Variants in RBFOX1 observed in about 807,000 individuals in gnomAD.
The protein encoded by RBFOX1 is RNA binding fox-1 homolog 1, also known as RNA binding protein fox-1 homolog 1.
In RBFOX1, 8 loss-of-function variants were observed where a neutral mutation model predicts 57.7. The ratio of observed to expected loss-of-function variants is 0.14; its 90% CI spans 0.08 to 0.25. The LOEUF (loss-of-function observed/expected upper bound fraction) is 0.25. Among genes scored for constraint, RBFOX1 ranks in the 10% least tolerant of loss-of-function variants. RBFOX1 has a pLI of 1.00. For missense variants in RBFOX1, 611 were observed against 548.5 expected (o/e 1.11, Z -1.14); for synonymous variants, 326 against 222.4 (o/e 1.47, Z -4.15).
intron 3 of RBFOX1, among the ~76,000 whole-genome samples, chr16:7,029,867 T>C (rs1236162476): frequency 6.6e-6 from 1 of 152,186 alleles, no homozygotes; most frequent in Non-Finnish European, 1.5e-5. Context: ...GATTCTTATG[T>C]CCATTCATTG....
intron 4 of RBFOX1, among the ~76,000 whole-genome samples, chr16:5,972,402 C>T (rs1404460654): frequency 1.3e-5 from 2 of 152,200 alleles, no homozygotes; most frequent in East Asian, 1.9e-4. Flanking sequence ...GATGGCAGGT[C>T]CCTCTGTTTT....
chr16:7,546,329 AAAAT>A (rs2084520277), intron 5 of RBFOX1, among the ~76,000 whole-genome samples: 1 of 178 alleles, frequency 5.6e-3, no homozygotes, highest in Non-Finnish European at 0.1. Context: ...TCCACCTCAA[AAAAT>A]AAAATAAAAT....
At chr16:7,347,816 T>A (rs2097046585) in intron 4 of RBFOX1, among the ~76,000 whole-genome samples, 1 of 152,172 alleles carries the variant, frequency 6.6e-6, no homozygotes, top group East Asian at 1.9e-4. Flanking sequence ...TGCTGAGTAG[T>A]CCTGGGAAAG....
At chr16:6,124,268 T>A (rs1376062964) in intron 1 of RBFOX1, among the ~76,000 whole-genome samples, 1 of 152,062 alleles carries the variant, frequency 6.6e-6, no homozygotes, top group East Asian at 1.9e-4. Flanking sequence ...CTAAAGAGAG[T>A]CTTCAGTCTC....
At chr16:6,619,004 T>C (rs1330649977) in intron 2 of RBFOX1, among the ~76,000 whole-genome samples, 1 of 152,120 alleles carries the variant, frequency 6.6e-6, no homozygotes, top group Non-Finnish European at 1.5e-5. Context: ...AAAGACACTG[T>C]GAGAGGAACT....
At chr16:6,547,164 T>G (rs1415169158) in intron 2 of RBFOX1, among the ~76,000 whole-genome samples, 2 of 152,220 alleles carry the variant, frequency 1.3e-5, no homozygotes, top group Admixed American at 1.3e-4. Context: ...TTCATTTTAA[T>G]TGGTGGGGAA....
At chr16:7,629,433 C>A (rs1256830336) in intron 10 of RBFOX1, among the ~76,000 whole-genome samples, 1 of 152,134 alleles carries the variant, frequency 6.6e-6, no homozygotes, top group East Asian at 1.9e-4. Flanking sequence ...AGGTTGGCTT[C>A]TTATCATGGG....
intron 2 of RBFOX1, among the ~76,000 whole-genome samples, chr16:6,611,873 C>T (rs2098061805): frequency 6.6e-6 from 1 of 152,022 alleles, no homozygotes; most frequent in Admixed American, 6.6e-5. Context: ...GGCACGTGAC[C>T]CTGGTTTCTG....
chr16:5,580,767 CTG>C (rs2046638918), intron 2 of RBFOX1, among the ~76,000 whole-genome samples: 1 of 152,168 alleles, frequency 6.6e-6, no homozygotes, highest in African/African-American at 2.4e-5. Context: ...TAAAGGCAAA[CTG>C]GTGGGATTCC....
chr16:6,554,925 C>A (rs2097069578), intron 2 of RBFOX1, among the ~76,000 whole-genome samples: 1 of 152,172 alleles, frequency 6.6e-6, no homozygotes, highest in Non-Finnish European at 1.5e-5. Context: ...TTTCTGCCAG[C>A]TGGAGAATTT....
chr16:7,505,070 G>A (rs2072779295), intron 4 of RBFOX1, among the ~76,000 whole-genome samples: 1 of 151,324 alleles, frequency 6.6e-6, no homozygotes, highest in South Asian at 2.1e-4. Flanking sequence ...AGTGCCCCGA[G>A]GTGCTGAGTG....
chr16:5,577,545 G>A (rs2046506325), intron 2 of RBFOX1, among the ~76,000 whole-genome samples: 1 of 152,096 alleles, frequency 6.6e-6, no homozygotes, highest in Non-Finnish European at 1.5e-5. Flanking sequence ...TCCCCAGCAC[G>A]GGGCCTTGTG....
chr16:7,271,050 T>C (rs1405222859), intron 4 of RBFOX1, among the ~76,000 whole-genome samples: 2 of 152,150 alleles, frequency 1.3e-5, no homozygotes, highest in African/African-American at 4.8e-5. Context: ...GCCTCTCTTA[T>C]TTTGCTGCAT....
At position 7,062,892 on chromosome 16, in the gene RBFOX1, C is replaced by CTTTTTTTTT. The variant is rs1491558284; in HGVS notation, c.27+10794_27+10795insTTTTTTTTT. On this transcript the variant is annotated intron_variant, in intron 4 of 15. Coordinates refer to ENST00000550418, the MANE Select transcript of RBFOX1 (RefSeq NM_018723.4). ...TACCTCATCTCATTCAAATGATCGC[C>CTTTTTTTTT]ATTTTTTTTTTTTTTTTTTTTTTTT... 7.2e-4 allele frequency among the ~76,000 whole-genome samples: 43 copies of CTTTTTTTTT among 59,948 alleles called. 10 individuals carry two copies. The highest frequency in any genetic ancestry group is 1.6e-3 in the African/African-American group (30 of 18,532). The allele number at this position is 59,948 out of a possible 152,430, so 39.3% of individuals were successfully genotyped here.
chr16:6,263,775 T>A (rs1477343224), intron 1 of RBFOX1, among the ~76,000 whole-genome samples: 2 of 152,186 alleles, frequency 1.3e-5, no homozygotes, highest in Non-Finnish European at 1.5e-5. Flanking sequence ...TTTTTAAATA[T>A]CTTGATGTCT....
At chr16:6,271,190 G>A (rs1367420992) in intron 1 of RBFOX1, among the ~76,000 whole-genome samples, 8 of 152,178 alleles carry the variant, frequency 5.3e-5, no homozygotes, top group Admixed American at 5.2e-4. Context: ...TTGGGAGGCC[G>A]AGGTGGGCAG....
intron 1 of RBFOX1, among the ~76,000 whole-genome samples, chr16:5,251,438 G>A (rs1349163569): frequency 6.6e-6 from 1 of 152,184 alleles, no homozygotes; most frequent in Non-Finnish European, 1.5e-5. Context: ...CTAGACTGTG[G>A]CTTTACCGGG....
intron 3 of RBFOX1, among the ~76,000 whole-genome samples, chr16:6,905,244 G>T (rs1369167776): frequency 6.6e-6 from 1 of 151,190 alleles, no homozygotes; most frequent in South Asian, 2.1e-4. Context: ...CTCTGTAACT[G>T]TTTAAAAAAA....
At chr16:5,681,836 T>G (rs1440529423) in intron 3 of RBFOX1, among the ~76,000 whole-genome samples, 2 of 151,242 alleles carry the variant, frequency 1.3e-5, no homozygotes, top group South Asian at 2.1e-4. Context: ...TATACGGGAG[T>G]GGGGGAGGGA....
Sources: allele counts gnomAD v4.1 joint callset (sites outside exome capture counted in the v4.1 genomes callset), GRCh38; gene constraint gnomAD v4.1.1; transcripts MANE v1.5; gene names NCBI Gene and HGNC (gene_info 2026-07-23, HGNC 2026-07-21).